The following PDE2A variants were observed in gnomAD, a reference collection of about 807,000 sequenced individuals.
The protein encoded by PDE2A is phosphodiesterase 2A, also known as cGMP-dependent 3',5'-cyclic phosphodiesterase.
Under a neutral mutation model 133.6 loss-of-function variants are expected in PDE2A, and 53 were observed. That is an observed-to-expected ratio of 0.40 (90% CI 0.32 to 0.50). The LOEUF is 0.50. Among genes scored for constraint, PDE2A ranks in the 20% least tolerant of loss-of-function variants. The pLI is 0.73. For synonymous variants in PDE2A, 491 were observed against 490.2 expected, an observed-to-expected ratio of 1.00 and a Z score of -0.02; for missense variants, 796 against 1,232.4, an observed-to-expected ratio of 0.65 and a Z score of 5.30.
intron 19 of PDE2A, among the ~76,000 whole-genome samples, chr11:72,583,750 C>G (rs1480891301): frequency 6.6e-6 from 1 of 152,222 alleles, no homozygotes; most frequent in East Asian, 1.9e-4. Context: ...CTTTGCACTC[C>G]CCCACACCTG....
In PDE2A at chr11:72,590,696, G is replaced by A. The variant is rs1386570268; in HGVS notation, c.550-116C>T. On this transcript the variant is annotated intron_variant, in intron 7 of 30. Transcript: ENST00000334456. This position sits in a 1 kb window ranked among gnomAD's most constrained non-coding sequence, Gnocchi z 4.8. Reference sequence around the variant, plus strand: ...TCTGCCTGCCGGGCCCAGGGACCCCGCCGCCGTCCCAAACACCTCATCCCT... The same window carrying A: ...TCTGCCTGCCGGGCCCAGGGACCCCACCGCCGTCCCAAACACCTCATCCCT... The A allele has an allele frequency of 8.0e-6, 8 of 998,396 alleles. No homozygotes were observed. The East Asian group carries it at 1.3e-4, about 16-fold the overall frequency. The allele number at this position is 998,396 out of a possible 1,614,324, so 61.8% of individuals were successfully genotyped here. A position where few individuals can be genotyped will look rare whatever the true frequency, so the allele number is the denominator to read the frequency against.
chr11:72,614,650 G>A (rs1213215786), intron 2 of PDE2A, among the ~76,000 whole-genome samples: 3 of 152,282 alleles, frequency 2.0e-5, no homozygotes, highest in Non-Finnish European at 2.9e-5. Context: ...GCTGCTGGTC[G>A]GGGGACCACA....
At chr11:72,607,372 A>AC (rs1420823106) in intron 3 of PDE2A, among the ~76,000 whole-genome samples, 1 of 152,102 alleles carries the variant, frequency 6.6e-6, no homozygotes, top group East Asian at 1.9e-4. Context: ...GGGCAGCCCT[A>AC]CAGAAACCGA....
intron 4 of PDE2A, among the ~76,000 whole-genome samples, chr11:72,599,697 A>T (rs1856650475): frequency 1.3e-5 from 2 of 152,230 alleles, no homozygotes; most frequent in Admixed American, 1.3e-4. Flanking sequence ...TTCTAGATGA[A>T]AAACCTCGGG....
intron 30 of PDE2A, among the ~76,000 whole-genome samples, chr11:72,577,901 G>A (rs544293118): frequency 2.6e-5 from 4 of 152,226 alleles, no homozygotes; most frequent in Non-Finnish European, 5.9e-5. Flanking sequence ...GAACCCAGGA[G>A]GGGGAGGTTG....
chr11:72,656,507 T>A (rs1374055121), intron 1 of PDE2A, among the ~76,000 whole-genome samples: 1 of 152,082 alleles, frequency 6.6e-6, no homozygotes, highest in Non-Finnish European at 1.5e-5. Flanking sequence ...CTGACCCTAA[T>A]GCCTTGCTGG....
intron 1 of PDE2A, 90 bp downstream of exon 1, chr11:72,674,047 G>T: frequency 7.4e-7 from 1 of 1,346,618 alleles, no homozygotes; most frequent in Non-Finnish European, 1.0e-6. Flanking sequence ...TCAGCTCCAT[G>T]CCAACCCCAG....
At position 72,642,312 on chromosome 11, in the gene PDE2A, A is replaced by G; in HGVS notation, c.86T>C (p.Val29Ala). Residue 29 changes from valine (V) to alanine (A), a missense_variant, in exon 2 of 31, where the codon GTC becomes GCC. Transcript: ENST00000334456. ...CGGCGGCTCGTCCGGCTTGAGGAAG[A>G]CCTGCTGGCCCCGCCTGAGGAATTG... ...ARPAEPRGQQ[V>A]FLKPDEPPPP... 1 of 1,539,188 alleles carries G rather than the reference A, an allele frequency of 6.5e-7. No homozygotes were observed. Among genetic ancestry groups the G allele is most frequent in the Middle Eastern group, 1.7e-4 (1 of 5,918 alleles).
chr11:72,584,803 C>G lies in PDE2A; in HGVS notation c.1359+69G>C. The G allele has an allele frequency of 2.5e-6, 4 of 1,608,976 alleles. No individual in the cohort carries two copies. The Admixed American group carries it at 6.7e-5, about 27-fold the overall frequency. ...CAGAGGGGACTGTTAAACCTCGGGC[C>G]GCTCCCCAGCGCCGCCGGCGGACTC... On this transcript the variant is annotated intron_variant, in intron 17 of 30. Transcript: ENST00000334456.
At chr11:72,583,538 G>C (rs1162140772) in intron 19 of PDE2A, 23 bp from the exon 20 acceptor site, 1 of 1,531,636 alleles carries the variant, frequency 6.5e-7, no homozygotes, top group Non-Finnish European at 9.0e-7. Context: ...GGGAAAGATG[G>C]GGCTCAAGGA....
intron 1 of PDE2A, among the ~76,000 whole-genome samples, chr11:72,667,266 C>T (rs991580723): frequency 6.6e-6 from 1 of 152,210 alleles, no homozygotes; most frequent in Non-Finnish European, 1.5e-5. Flanking sequence ...CACTGAGACA[C>T]AAGCAATATC....
chr11:72,614,382 C>A (rs1158342574), intron 2 of PDE2A, among the ~76,000 whole-genome samples: 2 of 152,172 alleles, frequency 1.3e-5, no homozygotes. Context: ...AGACCCAGAA[C>A]GCAGCTGAAC....
chr11:72,674,086 C>T (rs1045393214), intron 1 of PDE2A, 51 bp downstream of exon 1: 1 of 1,572,954 alleles, frequency 6.4e-7, no homozygotes, highest in East Asian at 2.3e-5. Context: ...AGGACCCTGT[C>T]TGTGGCACCT....
At chr11:72,665,085 C>T (rs993492032) in intron 1 of PDE2A, among the ~76,000 whole-genome samples, 2 of 152,074 alleles carry the variant, frequency 1.3e-5, no homozygotes, top group African/African-American at 2.4e-5. Context: ...GGGTTACAGG[C>T]GCGAGCCACT....
chr11:72,609,660 G>T (rs1857116250), intron 2 of PDE2A, among the ~76,000 whole-genome samples: 1 of 152,126 alleles, frequency 6.6e-6, no homozygotes, highest in Non-Finnish European at 1.5e-5. Flanking sequence ...AAAGGTAACA[G>T]AACAAAGGAA....
rs1176716973 is a variant in PDE2A at position 72,597,813 on chromosome 11, G to A, written c.324-194C>T. The stretch of plus-strand genomic sequence containing the variant: ...TGGACCCTATGTGGAGAAACAGGCA[G>A]CCACAGTTTGGCCTCTGGTGCCCCT... On this transcript the variant is annotated intron_variant, in intron 4 of 30. Transcript: ENST00000334456. This position sits in a 1 kb window ranked among gnomAD's most constrained non-coding sequence, Gnocchi z 4.6. 1.3e-5 allele frequency among the ~76,000 whole-genome samples: 2 copies of A among 152,236 alleles called. No homozygotes were observed. Among genetic ancestry groups the A allele is most frequent in the African/African-American group, 4.8e-5 (2 of 41,462 alleles).
In PDE2A at chr11:72,597,717, CA is replaced by C; in HGVS notation, c.324-99del. ...GGACAGTTTGGACCCTGCACATGTGCAAGGATCTGGGCAAGCTGACCTGCCT... is the reference window on the plus strand; with the variant it reads ...GGACAGTTTGGACCCTGCACATGTGCAGGATCTGGGCAAGCTGACCTGCCT... On this transcript the variant is annotated intron_variant, in intron 4 of 30. Transcript: ENST00000334456. This position sits in a 1 kb window ranked among gnomAD's most constrained non-coding sequence, Gnocchi z 4.6. 2 of 775,688 alleles carry C rather than the reference CA, an allele frequency of 2.6e-6. No homozygotes were observed. Among genetic ancestry groups the C allele is most frequent in the South Asian group, 1.6e-5 (1 of 63,058 alleles). The allele number at this position is 775,688 out of a possible 1,614,324, so 48.1% of individuals were successfully genotyped here. A position where few individuals can be genotyped will look rare whatever the true frequency, so the allele number is the denominator to read the frequency against.
intron 2 of PDE2A, among the ~76,000 whole-genome samples, chr11:72,612,401 T>C (rs767783665): frequency 1.4e-4 from 21 of 151,908 alleles, no homozygotes; most frequent in Middle Eastern, 3.4e-3. Context: ...AGTATAGATA[T>C]CAGCATAAAA....
At chr11:72,629,870 A>C (rs1002529853) in intron 2 of PDE2A, among the ~76,000 whole-genome samples, 2 of 152,162 alleles carry the variant, frequency 1.3e-5, no homozygotes, top group East Asian at 3.8e-4. Context: ...GGGTGCTGTA[A>C]TAATTAAACA....
Sources: allele counts gnomAD v4.1 joint callset (sites outside exome capture counted in the v4.1 genomes callset), GRCh38; gene constraint gnomAD v4.1.1; non-coding constraint Gnocchi (gnomAD v3.1); transcripts MANE v1.5; gene names NCBI Gene and HGNC (gene_info 2026-07-23, HGNC 2026-07-21).